Variants in TOM1L2 observed in about 807,000 individuals in gnomAD.
TOM1L2 encodes the protein TOM1-like protein 2.
A neutral mutation model predicts 67.9 loss-of-function variants in TOM1L2; 31 were observed. That is an observed-to-expected ratio of 0.46 (90% CI 0.34 to 0.62). TOM1L2 has a LOEUF of 0.62. TOM1L2 is among the 20% of genes least tolerant of loss of function. The probability of loss-of-function intolerance (pLI) is 0.01; values close to 1 mark genes in which losing one functional copy is unlikely to be tolerated. For missense variants in TOM1L2, 606 were observed against 663.5 expected (o/e 0.91, Z 0.95); for synonymous variants, 256 against 254.0 (o/e 1.01, Z -0.07).
At chr17:17,887,506 AGCT>A (rs2038058955) in intron 4 of TOM1L2, among the ~76,000 whole-genome samples, 2 of 152,156 alleles carry the variant, frequency 1.3e-5, no homozygotes, top group Non-Finnish European at 2.9e-5. Flanking sequence ...CATGGGTCAG[AGCT>A]GTCCCCCAGG....
In TOM1L2 at chr17:17,893,821, G is replaced by A; in HGVS notation, c.217-11C>T. ...ACATGTCTCCAGCACCTGATGTGGG[G>A]AGGGAAGGAAAAGGGTCACCCCAGT... On this transcript the variant is annotated splice_polypyrimidine_tract_variant and intron_variant, in intron 3 of 14. Transcript: ENST00000379504. 1.2e-6 allele frequency: 2 copies of A among 1,612,832 alleles called. No individual in the cohort carries two copies. Among genetic ancestry groups the A allele is most frequent in the Non-Finnish European group, 1.7e-6 (2 of 1,179,300 alleles).
rs76075894 is a variant in TOM1L2, at chr17:17,914,600, T to C, written c.53-7069A>G. ...CTCTCCTCCTCCACTTTCCCCATCT[T>C]GTAGACAAGTATCAAATACTGCTTC... On this transcript the variant is annotated intron_variant, in intron 1 of 14. Transcript: ENST00000379504. 7.9e-3 allele frequency among the ~76,000 whole-genome samples: 1,196 copies of C among 152,350 alleles called. 15 individuals are homozygous for C. Among genetic ancestry groups the C allele is most frequent in the African/African-American group, 0.028 (1,149 of 41,576 alleles).
At chr17:17,965,747 G>A (rs2041850098) in intron 1 of TOM1L2, among the ~76,000 whole-genome samples, 2 of 152,214 alleles carry the variant, frequency 1.3e-5, no homozygotes, top group South Asian at 4.1e-4. Context: ...TTGTTGTGAG[G>A]ATCGAATGAC....
chr17:17,907,424 C>G (rs2039146707), intron 2 of TOM1L2, 23 bp downstream of exon 2: 2 of 1,611,788 alleles, frequency 1.2e-6, no homozygotes, highest in Non-Finnish European at 1.7e-6. Context: ...GAGAGGCTTC[C>G]CAGGAGAGGG....
chr17:17,851,359 G>C (rs925461489), intron 12 of TOM1L2: 2 of 293,308 alleles, frequency 6.8e-6, no homozygotes, highest in African/African-American at 4.4e-5. Flanking sequence ...ACAGTCCGCT[G>C]TCAAGCCCAA....
In TOM1L2 at chr17:17,972,381, G is replaced by A. The variant is rs575723523; in HGVS notation, c.-68C>T. 50 of 1,543,828 alleles carry A rather than the reference G, an allele frequency of 3.2e-5. 1 individual carries two copies. The highest frequency in any genetic ancestry group is 4.2e-5 in the Non-Finnish European group (48 of 1,142,954). ...ACCTAGGCCTCCGCTGTAACCCGCC[G>A]GACTCCCGTCCTGACTGACACTTGC... On this transcript the variant is annotated 5_prime_UTR_variant, in exon 1 of 15. Coordinates refer to ENST00000379504, the MANE Select transcript of TOM1L2 (RefSeq NM_001082968.2).
At position 17,952,376 on chromosome 17, in the gene TOM1L2, CTTTTT is replaced by C. The variant is rs60388742; in HGVS notation, c.52+19881_52+19885del. Among the ~76,000 whole-genome samples the C allele has an allele frequency of 3.3e-3, 265 of 79,724 alleles. 1 individual carries two copies. The highest frequency in any genetic ancestry group is 0.01 in the African/African-American group (235 of 22,690). The allele number at this position is 79,724 out of a possible 152,430, so 52.3% of individuals were successfully genotyped here. A position where few individuals can be genotyped will look rare whatever the true frequency, so the allele number is the denominator to read the frequency against. ...TATACAGTAAGTGCTTCTTTATTTT[CTTTTT>C]TTTTTTTTTTTTTTTTTTTTTTTTT... On this transcript the variant is annotated intron_variant, in intron 1 of 14. Coordinates refer to ENST00000379504, the MANE Select transcript of TOM1L2 (RefSeq NM_001082968.2).
chr17:17,854,660 G>C (rs1348799979), intron 12 of TOM1L2, among the ~76,000 whole-genome samples: 1 of 151,796 alleles, frequency 6.6e-6, no homozygotes, highest in Non-Finnish European at 1.5e-5. Flanking sequence ...GAGTAGCTGG[G>C]ATTACAGGCG....
chr17:17,903,962 T>C (rs886486824), intron 2 of TOM1L2, among the ~76,000 whole-genome samples: 5 of 151,934 alleles, frequency 3.3e-5, no homozygotes, highest in Non-Finnish European at 7.4e-5. Context: ...TCAGTCCAAC[T>C]TGTGGGAGTT....
chr17:17,885,406 C>T (rs2037942822), intron 4 of TOM1L2, among the ~76,000 whole-genome samples: 1 of 152,200 alleles, frequency 6.6e-6, no homozygotes, highest in African/African-American at 2.4e-5. Context: ...GGAGCTAGAC[C>T]CAGGCCAGAC....
intron 1 of TOM1L2, among the ~76,000 whole-genome samples, chr17:17,956,345 C>A (rs1010049018): frequency 6.6e-6 from 1 of 152,220 alleles, no homozygotes; most frequent in African/African-American, 2.4e-5. Flanking sequence ...GAGCTAGACA[C>A]AGAGTGCTGA....
chr17:17,859,411 G>A (rs2036431792), intron 12 of TOM1L2: 1 of 152,204 alleles, frequency 6.6e-6, no homozygotes, highest in Admixed American at 6.5e-5. Context: ...TTCTCCCTTG[G>A]CCTCGTTTTC....
In TOM1L2 at chr17:17,898,671, T is replaced by C. The variant is rs769735536; in HGVS notation, c.141A>G (p.Pro47=). 3.1e-5 allele frequency: 50 copies of C among 1,614,076 alleles called. No individual in the cohort carries two copies. In the Admixed American group the frequency reaches 6.0e-4, roughly 19 times the overall value. ...TCTTCAGGGCTCGAATGGCATCCTT[T>C]GGCCTGGAAAAAAGAACAGACATAT... The part of the protein sequence containing the change: ...CDIINETEEG[P]KDAIRALKKR... Residue 47 remains proline, a synonymous_variant, in exon 3 of 15, where the codon CCA becomes CCG. Coordinates refer to ENST00000379504, the MANE Select transcript of TOM1L2 (RefSeq NM_001082968.2).
chr17:17,936,337 T>A (rs900759822), intron 1 of TOM1L2, among the ~76,000 whole-genome samples: 6 of 152,176 alleles, frequency 3.9e-5, no homozygotes, highest in Non-Finnish European at 8.8e-5. Flanking sequence ...TCCCCAACCC[T>A]GTTCCTCACA....
chr17:17,954,828 C>G (rs1598403425), intron 1 of TOM1L2, among the ~76,000 whole-genome samples: 1 of 152,302 alleles, frequency 6.6e-6, no homozygotes, highest in South Asian at 2.1e-4. Flanking sequence ...AAACTAAGAG[C>G]AAACACATGC....
In TOM1L2 at chr17:17,847,547, G is replaced by C. The variant is rs968120692; in HGVS notation, c.*88C>G. 1.3e-6 allele frequency: 2 copies of C among 1,499,720 alleles called. No individual in the cohort carries two copies. Among genetic ancestry groups the C allele is most frequent in the Admixed American group, 2.1e-5 (1 of 48,366 alleles). 92.9% of individuals were successfully genotyped at this position (1,499,720 alleles called of 1,614,324 possible). A position where few individuals can be genotyped will look rare whatever the true frequency, so the allele number is the denominator to read the frequency against. On this transcript the variant is annotated 3_prime_UTR_variant, in exon 15 of 15. Transcript: ENST00000379504. ...GAAACACAGGTGTGCAGGCCGTGTG[G>C]AGCTGGGGATGTAGGAGTGGCCAGT...
At chr17:17,920,261 A>T (rs2039801786) in intron 1 of TOM1L2, among the ~76,000 whole-genome samples, 1 of 145,446 alleles carries the variant, frequency 6.9e-6, no homozygotes, top group Non-Finnish European at 1.5e-5. Flanking sequence ...GAATAATTTT[A>T]TATTTACTGA....
At chr17:17,938,490 A>G (rs1365933462) in intron 1 of TOM1L2, among the ~76,000 whole-genome samples, 2 of 152,110 alleles carry the variant, frequency 1.3e-5, no homozygotes, top group Non-Finnish European at 2.9e-5. Flanking sequence ...CTACCAGGAG[A>G]GGCACTGGGG....
chr17:17,912,761 G>A (rs1308696639), intron 1 of TOM1L2, among the ~76,000 whole-genome samples: 2 of 151,818 alleles, frequency 1.3e-5, no homozygotes, highest in East Asian at 1.9e-4. Flanking sequence ...AGGCAGAGAC[G>A]CTCCTCACTT....
Sources: allele counts gnomAD v4.1 joint callset (sites outside exome capture counted in the v4.1 genomes callset), GRCh38; gene constraint gnomAD v4.1.1; transcripts MANE v1.5; gene names NCBI Gene and HGNC (gene_info 2026-07-23, HGNC 2026-07-21).